F8: variants seen among roughly 807,000 people sequenced by gnomAD.
F8 encodes antihemophilic factor.
F8 carries 12 observed loss-of-function variants against 140.6 expected under a neutral mutation model. The observed-to-expected ratio is 0.09, with a 90% confidence interval of 0.05 to 0.14. The LOEUF is 0.14. F8 is among the 10% of genes least tolerant of loss of function. The pLI, the probability that F8 is intolerant of heterozygous loss-of-function variation, is 1.00. For missense variants in F8, 1,354 were observed against 1,720.7 expected, an observed-to-expected ratio of 0.79 and a Z score of 3.77; for synonymous variants, 585 against 614.6, an observed-to-expected ratio of 0.95 and a Z score of 0.71.
intron 1 of F8, among the ~76,000 whole-genome samples, chrX:155,020,025 T>C (rs1169587215): frequency 1.8e-5 from 2 of 111,928 alleles, no homozygotes; most frequent in Admixed American, 1.9e-4. Context: ...ATCTTTTTAA[T>C]TTGAAAAATA....
intron 12 of F8, among the ~76,000 whole-genome samples, chrX:154,952,464 T>C (rs2073341997): frequency 8.9e-6 from 1 of 111,857 alleles, no homozygotes; most frequent in African/African-American, 3.2e-5. Context: ...GGGCATAGAA[T>C]TGTAACATAT....
chrX:154,990,341 T>G (rs1557284556), intron 4 of F8, among the ~76,000 whole-genome samples: 6 of 111,968 alleles, frequency 5.4e-5, no homozygotes. Context: ...CTGTGTCTCT[T>G]GGTATAATTT....
chrX:154,921,997 G>T (rs1355548733), intron 14 of F8, among the ~76,000 whole-genome samples: 1 of 111,497 alleles, frequency 9.0e-6, no homozygotes, highest in Admixed American at 9.5e-5. Context: ...CCTGCAGGTT[G>T]TGCACACGTA....
chrX:154,863,765 G>A (rs1174851404), intron 22 of F8, among the ~76,000 whole-genome samples: 2 of 111,766 alleles, frequency 1.8e-5, no homozygotes, highest in Non-Finnish European at 3.8e-5. Context: ...TAATAAGGCA[G>A]GCCCACATTC....
At chrX:154,926,413 T>C (rs1603433662) in intron 14 of F8, among the ~76,000 whole-genome samples, 1 of 112,212 alleles carries the variant, frequency 8.9e-6, no homozygotes, top group Non-Finnish European at 1.9e-5. Context: ...TCTGACTCTG[T>C]TGCCCAGGCT....
intron 25 of F8, among the ~76,000 whole-genome samples, chrX:154,844,975 T>C (rs1457673222): frequency 1.8e-5 from 2 of 111,448 alleles, no homozygotes; most frequent in South Asian, 7.5e-4. Flanking sequence ...CATCAATACC[T>C]AATTTATTGA....
At chrX:154,864,909 GA>G (rs1431400401) in intron 22 of F8, among the ~76,000 whole-genome samples, 2 of 110,955 alleles carry the variant, frequency 1.8e-5, no homozygotes, top group Non-Finnish European at 3.8e-5. Flanking sequence ...AAGAGAGAGA[GA>G]AAGGAAACTT....
intron 23 of F8, 139 bp from the exon 24 acceptor site, chrX:154,862,005 A>T: frequency 1.3e-6 from 1 of 763,115 alleles, no homozygotes; most frequent in South Asian, 2.3e-5. Flanking sequence ...AGATTCTGTT[A>T]TTGGTTTTTT....
At chrX:154,976,733 T>C (rs1440087252) in intron 6 of F8, among the ~76,000 whole-genome samples, 1 of 111,331 alleles carries the variant, frequency 9.0e-6, no homozygotes, top group Non-Finnish European at 1.9e-5. Context: ...CACCATGGAA[T>C]ACTATGCAGC....
rs1302435137 is a variant in F8, at chrX:155,016,231, C to CA, written c.143+6178dup. Among the ~76,000 whole-genome samples the CA allele has an allele frequency of 6.6e-3, 498 of 75,757 alleles. 4 individuals carry two copies. Among genetic ancestry groups the CA allele is most frequent in the African/African-American group, 0.018 (368 of 20,320 alleles). 65.8% of individuals were successfully genotyped at this position (75,757 alleles called of 115,157 possible). A position where few individuals can be genotyped will look rare whatever the true frequency, so the allele number is the denominator to read the frequency against. ...TGTGTGATGGGATGAGATTCCATCT[C>CA]AAAAAAAAAAAAAAGTATAGTGAGA... On this transcript the variant is annotated intron_variant, in intron 1 of 25. Transcript: ENST00000360256.
At chrX:154,903,824 T>G in intron 18 of F8, 82 bp downstream of exon 18, 1 of 842,137 alleles carries the variant, frequency 1.2e-6, no homozygotes. Context: ...GATCACTGAT[T>G]GTGTTCCCAG....
At chrX:154,867,690 CAAAAAAAAAAAA>C (rs373471645) in intron 22 of F8, among the ~76,000 whole-genome samples, 1 of 41,828 alleles carries the variant, frequency 2.4e-5, no homozygotes, top group Non-Finnish European at 4.5e-5. Context: ...GACTCTGTCT[CAAAAAAAAAAAA>C]AAAAAAAAAG....
Position 154,928,641 on chromosome X carries a change from A to G in F8, c.5149T>C (p.Tyr1717His), listed in dbSNP as rs1557278265. ...AGCCTCTCCACTGCAGCAATAAAATAGTGTCGTGTTTTCTTTTGAAAGCTG... is the reference window on the plus strand; with the variant it reads ...AGCCTCTCCACTGCAGCAATAAAATGGTGTCGTGTTTTCTTTTGAAAGCTG... ...PRSFQKKTRH[Y>H]FIAAVERLWD... is the part of the protein sequence containing the mutation. Residue 1717 changes from tyrosine to histidine, a missense_variant, in exon 14 of 26, where the codon TAT becomes CAT. Tyr to His is a moderately conservative substitution (Grantham distance 83). Coordinates refer to ENST00000360256, the MANE Select transcript of F8 (RefSeq NM_000132.4). 3 of 1,210,906 alleles carry G rather than the reference A, an allele frequency of 2.5e-6. No individual in the cohort carries two copies. Among genetic ancestry groups the G allele is most frequent in the South Asian group, 1.8e-5 (1 of 56,610 alleles).
rs2072841646 is a variant in F8, at chrX:154,879,334, C to T, written c.6430-16107G>A. Among the ~76,000 whole-genome samples, 4 of 111,697 alleles carry T rather than the reference C, an allele frequency of 3.6e-5. No homozygotes were observed. In the South Asian group the frequency reaches 1.5e-3, roughly 42 times the overall value. Reference sequence around the variant, plus strand: ...TAGAATTAAGAAGCAAGAAATAAACCCATAAATATATTCATGGGTATGTAC... The same window carrying T: ...TAGAATTAAGAAGCAAGAAATAAACTCATAAATATATTCATGGGTATGTAC... On this transcript the variant is annotated intron_variant, in intron 22 of 25. Transcript: ENST00000360256.
intron 11 of F8, among the ~76,000 whole-genome samples, chrX:154,956,436 T>C (rs1267907629): frequency 1.8e-5 from 2 of 112,171 alleles, no homozygotes; most frequent in Non-Finnish European, 3.8e-5. Flanking sequence ...TGTTCAGAGA[T>C]CGCAGTAAAG....
intron 6 of F8, among the ~76,000 whole-genome samples, chrX:154,980,609 C>T (rs1013824108): frequency 1.8e-5 from 2 of 111,830 alleles, no homozygotes; most frequent in African/African-American, 6.5e-5. Flanking sequence ...GGTATTTATT[C>T]TCATGTTCAC....
intron 4 of F8, among the ~76,000 whole-genome samples, chrX:154,991,537 T>C (rs1557284685): frequency 8.9e-6 from 1 of 112,300 alleles, no homozygotes; most frequent in Non-Finnish European, 1.9e-5. Context: ...CACCTGGAAC[T>C]AGAACCTCTG....
At chrX:154,881,449 C>A (rs373926976) in intron 22 of F8, among the ~76,000 whole-genome samples, 3,551 of 98,377 alleles carry the variant, frequency 0.036, 32 homozygotes, top group African/African-American at 0.051. Flanking sequence ...CAGATCCACT[C>A]CTATTCTTTC....
At chrX:154,906,130 T>C (rs1557276323) in intron 15 of F8, among the ~76,000 whole-genome samples, 1 of 111,768 alleles carries the variant, frequency 8.9e-6, no homozygotes, top group Non-Finnish European at 1.9e-5. Context: ...TAAATTCATA[T>C]AATAGACTAT....
Sources: allele counts gnomAD v4.1 joint callset (sites outside exome capture counted in the v4.1 genomes callset), GRCh38; gene constraint gnomAD v4.1.1; transcripts MANE v1.5; gene names NCBI Gene and HGNC (gene_info 2026-07-23, HGNC 2026-07-21).